Variants in RAD54B observed in about 807,000 individuals in gnomAD.
The protein encoded by RAD54B is DNA repair and recombination protein RAD54B.
RAD54B carries 78 observed loss-of-function variants against 95.8 expected under a neutral mutation model. That is an observed-to-expected ratio of 0.81 (90% CI 0.68 to 0.98). The LOEUF is 0.98. Ranked by LOEUF, RAD54B falls within the 50% of genes least tolerant of loss-of-function variation. The pLI is 0.00. For synonymous variants in RAD54B, 328 were observed against 354.9 expected, an observed-to-expected ratio of 0.92 and a Z score of 0.85; for missense variants, 957 against 1,056.6, an observed-to-expected ratio of 0.91 and a Z score of 1.31.
intron 10 of RAD54B, among the ~76,000 whole-genome samples, chr8:94,388,072 C>T (rs146833813): frequency 6.6e-5 from 10 of 152,292 alleles, no homozygotes; most frequent in Non-Finnish European, 1.3e-4. Context: ...TGAGTTTTAA[C>T]CTTTATGGTT....
At chr8:94,404,020 G>T in intron 6 of RAD54B, 57 bp downstream of exon 6, 3 of 1,331,670 alleles carry the variant, frequency 2.3e-6, no homozygotes, top group Non-Finnish European at 3.1e-6. Context: ...AACCATTATT[G>T]TGTTACAGGT....
intron 11 of RAD54B, among the ~76,000 whole-genome samples, chr8:94,386,671 G>A (rs1397764416): frequency 6.6e-6 from 1 of 152,044 alleles, no homozygotes; most frequent in Non-Finnish European, 1.5e-5. Flanking sequence ...AAGTTAAAGA[G>A]AAAATCCTAA....
At chr8:94,410,768 A>G (rs1188007966) in intron 4 of RAD54B, among the ~76,000 whole-genome samples, 5 of 152,162 alleles carry the variant, frequency 3.3e-5, no homozygotes, top group Admixed American at 1.3e-4. Flanking sequence ...ATATTTTTCA[A>G]TTTTAACCAC....
At chr8:94,431,253 C>T (rs1031483155) in intron 3 of RAD54B, 2 of 965,772 alleles carry the variant, frequency 2.1e-6, no homozygotes, top group African/African-American at 1.8e-5. Flanking sequence ...GAAATTTTTT[C>T]CAGAACAGGA....
At chr8:94,406,757 A>G (rs1175619076) in intron 5 of RAD54B, among the ~76,000 whole-genome samples, 2 of 152,132 alleles carry the variant, frequency 1.3e-5, no homozygotes, top group Non-Finnish European at 2.9e-5. Flanking sequence ...TTTCACATCT[A>G]CTACACTATA....
rs767470380 is a variant in RAD54B, at chr8:94,391,902, A to G, written c.1519-3T>C. On this transcript the variant is annotated splice_polypyrimidine_tract_variant and splice_region_variant and intron_variant, in intron 9 of 14. Coordinates refer to ENST00000336148, the MANE Select transcript of RAD54B (RefSeq NM_012415.3). ...CTTTCTCCTAACTCCTTTTCTTCCT[A>G]TGGAAAAATAGCAGACTTAAATGAA... The G allele has an allele frequency of 1.9e-6, 3 of 1,591,926 alleles. No homozygotes were observed. The highest frequency in any genetic ancestry group is 2.6e-6 in the Non-Finnish European group (3 of 1,172,586).
intron 8 of RAD54B, among the ~76,000 whole-genome samples, chr8:94,396,907 T>C (rs1014318441): frequency 3.9e-5 from 6 of 152,044 alleles, no homozygotes; most frequent in African/African-American, 9.7e-5. Flanking sequence ...GCAGAGAGGA[T>C]AGAGTACATG....
Position 94,458,337 on chromosome 8 carries a change from T to C in RAD54B, c.235A>G (p.Arg79Gly). The change falls in exon 3 of 15, where the codon AGA (arginine) becomes GGA (glycine). Residue 79 changes from arginine (R) to glycine (G), a missense_variant. Physicochemically the swap from Arg to Gly is moderately radical, Grantham distance 125. Coordinates refer to ENST00000336148, the MANE Select transcript of RAD54B (RefSeq NM_012415.3). ...CAATATTTTCCACTGCAATTATCTC[T>C]GTTATTGATTTCTCTAGTACTTTCT... Reference protein sequence around the residue: ...SEESTREINNRDNCSGKYCFE... With the variant: ...SEESTREINNGDNCSGKYCFE... The C allele has an allele frequency of 6.2e-7, 1 of 1,610,580 alleles. No homozygotes were observed. Among genetic ancestry groups the C allele is most frequent in the Non-Finnish European group, 8.5e-7 (1 of 1,178,654 alleles).
At chr8:94,403,859 T>C (rs955860212) in intron 6 of RAD54B, among the ~76,000 whole-genome samples, 16 of 129,056 alleles carry the variant, frequency 1.2e-4, no homozygotes, top group African/African-American at 4.2e-4. Flanking sequence ...CTGATTCCCA[T>C]ATGCCCACCT....
intron 3 of RAD54B, chr8:94,436,460 C>A: frequency 6.7e-7 from 1 of 1,494,840 alleles, no homozygotes; most frequent in Non-Finnish European, 8.9e-7. Flanking sequence ...TAGGAGGCGC[C>A]ATAATTTTCC....
intron 10 of RAD54B, among the ~76,000 whole-genome samples, chr8:94,391,039 T>A (rs1413698058): frequency 3.3e-5 from 5 of 152,150 alleles, no homozygotes; most frequent in Non-Finnish European, 7.4e-5. Context: ...TTGGAGCATT[T>A]TGAATTTCTA....
Position 94,393,847 on chromosome 8 carries a change from CA to C in RAD54B, c.1413del (p.Phe471LeufsTer3), listed in dbSNP as rs1811079863. ...CCTGGATTTACAAAATCAATTAATGCAAAAAATTCTTGCAGATCATTCTGAA... is the reference window on the plus strand; with the variant it reads ...CCTGGATTTACAAAATCAATTAATGCAAAAATTCTTGCAGATCATTCTGAA... ...TPIQNDLQEF[F>X]ALIDFVNPGI... On this transcript the variant is annotated frameshift_variant, in exon 9 of 15. Coordinates refer to ENST00000336148, the MANE Select transcript of RAD54B (RefSeq NM_012415.3). LOFTEE classifies it high-confidence loss of function. The C allele has an allele frequency of 6.2e-7, 1 of 1,603,012 alleles. No individual in the cohort carries two copies. The highest frequency in any genetic ancestry group is 2.2e-5 in the East Asian group (1 of 44,664).
At chr8:94,374,690 T>C (rs1810525091) in intron 14 of RAD54B, among the ~76,000 whole-genome samples, 1 of 151,866 alleles carries the variant, frequency 6.6e-6, no homozygotes, top group Non-Finnish European at 1.5e-5. Context: ...TACATAACAA[T>C]AAAATAGAGA....
At position 94,386,083 on chromosome 8, in the gene RAD54B, G is replaced by T. The variant is rs182074156; in HGVS notation, c.1985+901C>A. ...GAAATATAATTCAGGGCAATGTTGA[G>T]TATGTCAGGGGGCTGAAAGTAAGAG... On this transcript the variant is annotated intron_variant, in intron 11 of 14. Coordinates refer to ENST00000336148, the MANE Select transcript of RAD54B (RefSeq NM_012415.3). Among the ~76,000 whole-genome samples the T allele has an allele frequency of 2.5e-3, 379 of 152,272 alleles. 1 individual carries two copies. The highest frequency in any genetic ancestry group is 8.3e-3 in the African/African-American group (345 of 41,558).
At chr8:94,415,147 T>C (rs918664475) in intron 3 of RAD54B, among the ~76,000 whole-genome samples, 1 of 152,042 alleles carries the variant, frequency 6.6e-6, no homozygotes, top group Non-Finnish European at 1.5e-5. Flanking sequence ...CGAAACAGCA[T>C]GGTACTGGTA....
At chr8:94,432,792 T>TA (rs1429489121) in intron 3 of RAD54B, 2 of 1,166,194 alleles carry the variant, frequency 1.7e-6, no homozygotes, top group East Asian at 5.6e-5. Flanking sequence ...AAAAAAATCT[T>TA]AAACACTTGA....
chr8:94,433,995 T>C (rs1201714502), intron 3 of RAD54B, among the ~76,000 whole-genome samples: 1 of 151,732 alleles, frequency 6.6e-6, no homozygotes, highest in Non-Finnish European at 1.5e-5. Context: ...ATATATAGTA[T>C]ATAATAAAAA....
At chr8:94,440,221 C>A (rs1812367939) in intron 3 of RAD54B, among the ~76,000 whole-genome samples, 1 of 151,192 alleles carries the variant, frequency 6.6e-6, no homozygotes, top group Admixed American at 6.6e-5. Context: ...AAAATCAGAG[C>A]TTAGTCCTCA....
At chr8:94,452,068 A>G (rs1315732329) in intron 3 of RAD54B, among the ~76,000 whole-genome samples, 1 of 152,214 alleles carries the variant, frequency 6.6e-6, no homozygotes, top group Non-Finnish European at 1.5e-5. Flanking sequence ...TTTCTGGTTC[A>G]TAGATGGCAC....
Sources: allele counts gnomAD v4.1 joint callset (sites outside exome capture counted in the v4.1 genomes callset), GRCh38; gene constraint gnomAD v4.1.1; transcripts MANE v1.5; gene names NCBI Gene and HGNC (gene_info 2026-07-23, HGNC 2026-07-21).